Variants in NGLY1 observed in about 807,000 individuals in gnomAD.
NGLY1 encodes N-glycanase 1.
Under a neutral mutation model 84.6 loss-of-function variants are expected in NGLY1, and 68 were observed. That is an observed-to-expected ratio of 0.80 (90% CI 0.66 to 0.98). The LOEUF (loss-of-function observed/expected upper bound fraction) is 0.98. Among genes scored for constraint, NGLY1 ranks in the 50% least tolerant of loss-of-function variants. The pLI is 0.00. For synonymous variants in NGLY1, 280 were observed against 275.2 expected, an observed-to-expected ratio of 1.02 and a Z score of -0.17; for missense variants, 779 against 770.2, an observed-to-expected ratio of 1.01 and a Z score of -0.14.
At chr3:25,776,412 T>C (rs1708157172) in intron 2 of NGLY1, among the ~76,000 whole-genome samples, 1 of 152,234 alleles carries the variant, frequency 6.6e-6, no homozygotes, top group Admixed American at 6.5e-5. Flanking sequence ...CCCAACCAAT[T>C]TGAATCTTGA....
chr3:25,725,202 T>C (rs981761082), intron 10 of NGLY1, among the ~76,000 whole-genome samples: 4 of 152,288 alleles, frequency 2.6e-5, no homozygotes, highest in Admixed American at 6.5e-5. Flanking sequence ...TATTTCTACA[T>C]TGTTGTCATG....
chr3:25,753,198 G>A (rs1239287328), intron 3 of NGLY1, among the ~76,000 whole-genome samples: 2 of 152,022 alleles, frequency 1.3e-5, no homozygotes, highest in African/African-American at 4.8e-5. Flanking sequence ...AACATTACAC[G>A]CAAAGAAAAA....
chr3:25,737,520 C>G, intron 5 of NGLY1, 65 bp from the exon 6 acceptor site: 1 of 1,372,056 alleles, frequency 7.3e-7, no homozygotes, highest in Non-Finnish European at 9.9e-7. Context: ...TTTACATTAC[C>G]TCTATGCTAA....
At chr3:25,719,936 T>G (rs1704897213) in intron 11 of NGLY1, 78 bp downstream of exon 11, 1 of 1,276,912 alleles carries the variant, frequency 7.8e-7, no homozygotes, top group Non-Finnish European at 1.1e-6. Context: ...GAAAAAGAGC[T>G]ACATCTCAAA....
At chr3:25,753,249 A>AT (rs932065497) in intron 3 of NGLY1, among the ~76,000 whole-genome samples, 5 of 151,988 alleles carry the variant, frequency 3.3e-5, no homozygotes, top group Non-Finnish European at 7.4e-5. Context: ...CAATGAAGCA[A>AT]TTTTTTTTGA....
upstream of NGLY1, among the ~76,000 whole-genome samples, chr3:25,784,420 C>T (rs1021288328): frequency 6.6e-6 from 1 of 152,108 alleles, no homozygotes; most frequent in African/African-American, 2.4e-5. Context: ...TATTTTGTGA[C>T]TTGTTTTTTA....
intron 9 of NGLY1, chr3:25,729,540 G>C (rs971618638): frequency 2.6e-5 from 8 of 302,354 alleles, no homozygotes; most frequent in Non-Finnish European, 4.8e-5. Flanking sequence ...TATGAGCTCT[G>C]ACTTATATTT....
chr3:25,734,175 C>G, intron 7 of NGLY1, 193 bp from the exon 8 acceptor site: 2 of 578,956 alleles, frequency 3.5e-6, no homozygotes, highest in Non-Finnish European at 5.6e-6. Flanking sequence ...AAGAGATTCT[C>G]GTATCTCAGC....
intron 4 of NGLY1, among the ~76,000 whole-genome samples, chr3:25,744,805 G>A (rs542262655): frequency 6.6e-5 from 10 of 152,260 alleles, no homozygotes; most frequent in African/African-American, 2.4e-4. Flanking sequence ...CTGATGTTTG[G>A]TCTGGAAATG....
intron 4 of NGLY1, among the ~76,000 whole-genome samples, chr3:25,742,013 T>A: frequency 6.6e-6 from 1 of 151,942 alleles, no homozygotes; most frequent in East Asian, 1.9e-4. Flanking sequence ...AAAAGATAAA[T>A]TTCTAAATAC....
intron 3 of NGLY1, among the ~76,000 whole-genome samples, chr3:25,760,947 T>G (rs1707296014): frequency 7.0e-6 from 1 of 143,402 alleles, no homozygotes; most frequent in Non-Finnish European, 1.5e-5. Flanking sequence ...AGACTAAGAC[T>G]AAGAGGTTGC....
At position 25,719,504 on chromosome 3, in the gene NGLY1, C is replaced by T. The variant is rs765675803; in HGVS notation, c.1921G>A (p.Glu641Lys). Residue 641 changes from glutamate to lysine, a missense_variant, in exon 12 of 12, where the codon GAA becomes AAA. By Grantham distance (56) the Glu-to-Lys change is moderately conservative (BLOSUM62 1). Transcript: ENST00000280700. ...ATAATTATCTCCAAACAATTTTCTT[C>T]ATGGTCATTTAAGCTTTGTCTAAAC... ...QLFRQSLNDHEENCLEIIIKF... is the reference protein window; with the variant it reads ...QLFRQSLNDHKENCLEIIIKF... The T allele has an allele frequency of 8.1e-6, 13 of 1,613,838 alleles. No homozygotes were observed. The highest frequency in any genetic ancestry group is 1.0e-5 in the Non-Finnish European group (12 of 1,179,898).
chr3:25,727,447 T>G (rs996964641), intron 10 of NGLY1, among the ~76,000 whole-genome samples: 2 of 152,198 alleles, frequency 1.3e-5, no homozygotes, highest in Non-Finnish European at 2.9e-5. Context: ...TTTTGTTTCC[T>G]TGCCTGATAA....
At chr3:25,740,567 G>C (rs911351348) in intron 4 of NGLY1, among the ~76,000 whole-genome samples, 1 of 151,878 alleles carries the variant, frequency 6.6e-6, no homozygotes, top group Non-Finnish European at 1.5e-5. Flanking sequence ...TAAATATGAA[G>C]GACATATATA....
At chr3:25,771,671 G>A (rs1415432192) in intron 2 of NGLY1, among the ~76,000 whole-genome samples, 1 of 152,124 alleles carries the variant, frequency 6.6e-6, no homozygotes, top group Non-Finnish European at 1.5e-5. Flanking sequence ...AGTATGGGAT[G>A]TGTTTCCATT....
intron 3 of NGLY1, among the ~76,000 whole-genome samples, chr3:25,754,488 C>T (rs1706928543): frequency 6.6e-6 from 1 of 152,078 alleles, no homozygotes. Context: ...CTTTTCATTG[C>T]AATGATAAGC....
chr3:25,737,290 G>A, intron 6 of NGLY1, 44 bp downstream of exon 6: 1 of 1,503,282 alleles, frequency 6.7e-7, no homozygotes, highest in Non-Finnish European at 9.0e-7. Context: ...AAACCTGCAA[G>A]CCTGCAAAGC....
rs1365110057 is a variant in NGLY1, at chr3:25,778,684, G to A, written c.136C>T (p.Pro46Ser). The A allele has an allele frequency of 5.7e-6, 9 of 1,583,122 alleles. No homozygotes were observed. The highest frequency in any genetic ancestry group is 1.4e-5 in the African/African-American group (1 of 73,194). ...ATGGATCTATATTTTTCATCATTAGGGTTTCTGACAAAAAACAAAAGTTTG... is the reference window on the plus strand; with the variant it reads ...ATGGATCTATATTTTTCATCATTAGAGTTTCTGACAAAAAACAAAAGTTTG... The part of the protein sequence containing the change: ...LTYADNILRN[P>S]NDEKYRSIRI... The change falls in exon 2 of 12, where the codon CCT becomes TCT. Residue 46 changes from proline (P) to serine (S), a missense_variant. Pro to Ser is a moderately conservative substitution (Grantham distance 74). Transcript: ENST00000280700.
At chr3:25,739,536 C>T (rs1559537577) in intron 5 of NGLY1, 41 bp downstream of exon 5, 1 of 1,559,304 alleles carries the variant, frequency 6.4e-7, no homozygotes. Context: ...CTAACTATTT[C>T]ATTAAGAGAT....
Sources: gnomAD v4.1 joint callset for allele counts (sites outside exome capture counted in the v4.1 genomes callset) on GRCh38, gnomAD v4.1.1 for gene constraint, MANE v1.5 for transcripts, NCBI Gene and HGNC (gene_info 2026-07-23, HGNC 2026-07-21) for gene names.